AGBL3: variants seen among roughly 807,000 people sequenced by gnomAD.
AGBL3 encodes the protein AGBL carboxypeptidase 3.
AGBL3 carries 68 observed loss-of-function variants against 94.5 expected under a neutral mutation model. The ratio of observed to expected loss-of-function variants is 0.72; its 90% CI spans 0.59 to 0.88. AGBL3 has a LOEUF of 0.88. Ranked by LOEUF, AGBL3 falls within the 40% of genes least tolerant of loss-of-function variation. AGBL3 has a pLI of 0.00. For missense variants in AGBL3, 934 were observed against 1,103.8 expected, an observed-to-expected ratio of 0.85 and a Z score of 2.18; for synonymous variants, 354 against 370.7, an observed-to-expected ratio of 0.95 and a Z score of 0.52.
intron 4 of AGBL3, among the ~76,000 whole-genome samples, chr7:135,001,031 C>A (rs1033519658): frequency 3.9e-5 from 6 of 152,202 alleles, no homozygotes; most frequent in African/African-American, 1.4e-4. Flanking sequence ...GGATAAAGGG[C>A]AAATTTACAT....
chr7:135,076,794 A>G (rs961287631), intron 13 of AGBL3, among the ~76,000 whole-genome samples: 2 of 119,444 alleles, frequency 1.7e-5, no homozygotes, highest in African/African-American at 5.5e-5. Context: ...GTATAAAAAT[A>G]AAAACAGTGG....
At chr7:135,125,468 A>G (rs1007515695) in intron 16 of AGBL3, among the ~76,000 whole-genome samples, 2 of 152,184 alleles carry the variant, frequency 1.3e-5, no homozygotes, top group African/African-American at 4.8e-5. Flanking sequence ...AGAAGTACAA[A>G]GAAGAGCTGG....
intron 15 of AGBL3, among the ~76,000 whole-genome samples, chr7:135,097,557 T>C (rs1823091253): frequency 6.6e-6 from 1 of 152,168 alleles, no homozygotes; most frequent in Non-Finnish European, 1.5e-5. Flanking sequence ...GAACTTCTTA[T>C]CAAAGAAAAT....
intron 15 of AGBL3, among the ~76,000 whole-genome samples, chr7:135,099,312 T>C (rs1431850735): frequency 6.6e-6 from 1 of 152,162 alleles, no homozygotes; most frequent in East Asian, 1.9e-4. Flanking sequence ...TTGTTTGCTG[T>C]TCTCTTGAAA....
At chr7:134,990,250 T>C (rs1239237713) in intron 3 of AGBL3, among the ~76,000 whole-genome samples, 1 of 152,230 alleles carries the variant, frequency 6.6e-6, no homozygotes, top group African/African-American at 2.4e-5. Context: ...GTCTCTGCAG[T>C]AGATCCTCTC....
In AGBL3 at chr7:135,032,797, T is replaced by G. The variant is rs1446636266; in HGVS notation, c.419-47T>G. ...CAAACTCTGTGCAGAATAACCTTCT[T>G]ACTTTAGGTATACCTTGACATCTTT... is the stretch of plus-strand genomic sequence containing the variant. On this transcript the variant is annotated intron_variant, in intron 5 of 16. Coordinates refer to ENST00000436302, the MANE Select transcript of AGBL3 (RefSeq NM_178563.4). 23 of 1,490,362 alleles carry G rather than the reference T, an allele frequency of 1.5e-5. No homozygotes were observed. The East Asian group carries it at 5.8e-4, about 38-fold the overall frequency. 92.3% of individuals were successfully genotyped at this position (1,490,362 alleles called of 1,614,324 possible).
In AGBL3 at chr7:135,135,209, A is replaced by G. The variant is rs1186304383; in HGVS notation, c.2711A>G (p.Asn904Ser). The change falls in exon 17 of 17, where the codon AAT (asparagine) becomes AGT (serine). Residue 904 changes from asparagine to serine, a missense_variant. By Grantham distance (46) the Asn-to-Ser change is conservative. This residue lies in a region of AGBL3 where 441 missense variants were observed against 518.2 expected (regional missense o/e 0.85). Transcript: ENST00000436302. ...HLTKNKDEQA[N>S]KNDGQPTLYL... is the part of the protein sequence containing the mutation. ...ACTAAAAATAAGGATGAGCAGGCCA[A>G]TAAGAATGATGGACAACCCACCTTA... 7 of 1,545,290 alleles carry G rather than the reference A, an allele frequency of 4.5e-6. No homozygotes were observed. Among genetic ancestry groups the G allele is most frequent in the African/African-American group, 1.4e-5 (1 of 72,372 alleles).
At chr7:135,018,594 T>C (rs965135406) in intron 5 of AGBL3, among the ~76,000 whole-genome samples, 4 of 152,146 alleles carry the variant, frequency 2.6e-5, no homozygotes, top group African/African-American at 9.7e-5. Context: ...GAAACAAGGT[T>C]TGAGGATGAA....
chr7:135,048,492 T>C (rs534294249), intron 11 of AGBL3, among the ~76,000 whole-genome samples: 16 of 152,070 alleles, frequency 1.1e-4, no homozygotes, highest in Admixed American at 5.9e-4. Context: ...CAACAGGGGA[T>C]GTCTTTCCAT....
rs566175774 is a variant in AGBL3 at position 135,127,017 on chromosome 7, T to C, written c.2343-7824T>C. Among the ~76,000 whole-genome samples, 44 of 152,102 alleles carry C rather than the reference T, an allele frequency of 2.9e-4. No homozygotes were observed. The South Asian group carries it at 5.6e-3, about 19-fold the overall frequency. ...TGCAACAGAAGCCAAAATTGACAAA[T>C]GGGATCTAATTATACTAAAGAGCTT... On this transcript the variant is annotated intron_variant, in intron 16 of 16. Coordinates refer to ENST00000436302, the MANE Select transcript of AGBL3 (RefSeq NM_178563.4).
intron 4 of AGBL3, among the ~76,000 whole-genome samples, chr7:134,997,048 C>T (rs1811098347): frequency 6.6e-6 from 1 of 152,118 alleles, no homozygotes; most frequent in Admixed American, 6.5e-5. Flanking sequence ...CACCAGGGAC[C>T]AGTTTCGGGG....
At chr7:135,131,158 T>C (rs967212122) in intron 16 of AGBL3, among the ~76,000 whole-genome samples, 1 of 152,176 alleles carries the variant, frequency 6.6e-6, no homozygotes, top group Non-Finnish European at 1.5e-5. Context: ...TCATGTCTTT[T>C]CCAGGGACGT....
At chr7:135,080,354 G>A (rs1820812535) in intron 14 of AGBL3, 94 bp downstream of exon 14, 26 of 912,154 alleles carry the variant, frequency 2.9e-5, no homozygotes, top group Non-Finnish European at 4.3e-5. Flanking sequence ...CACTGTGCTT[G>A]GTGCTAGGGA....
intron 16 of AGBL3, among the ~76,000 whole-genome samples, chr7:135,118,328 G>C (rs1316467469): frequency 6.6e-6 from 1 of 152,104 alleles, no homozygotes; most frequent in Non-Finnish European, 1.5e-5. Context: ...TGAAAGTAAT[G>C]ACTAAAAATC....
At chr7:135,006,668 C>G (rs1194304244) in intron 4 of AGBL3, among the ~76,000 whole-genome samples, 2 of 151,904 alleles carry the variant, frequency 1.3e-5, no homozygotes, top group Non-Finnish European at 2.9e-5. Context: ...CTCAGCACAA[C>G]TTTGGAAGTG....
At chr7:135,030,806 A>T (rs1815657353) in intron 5 of AGBL3, among the ~76,000 whole-genome samples, 1 of 151,810 alleles carries the variant, frequency 6.6e-6, no homozygotes, top group African/African-American at 2.4e-5. Flanking sequence ...TTCCAAGTTC[A>T]CTGATTATTT....
chr7:134,993,387 C>T, intron 3 of AGBL3, 106 bp from the exon 4 acceptor site: 1 of 871,342 alleles, frequency 1.1e-6, no homozygotes, highest in Non-Finnish European at 1.7e-6. Flanking sequence ...ATAATGATAC[C>T]CACACATTGA....
Position 135,022,401 on chromosome 7 carries a change from A to G in AGBL3, c.418+5242A>G, listed in dbSNP as rs185877567. 1.7e-4 allele frequency among the ~76,000 whole-genome samples: 26 copies of G among 152,086 alleles called. 1 individual carries two copies. The East Asian group carries it at 5.0e-3, about 29-fold the overall frequency. On this transcript the variant is annotated intron_variant, in intron 5 of 16. Coordinates refer to ENST00000436302, the MANE Select transcript of AGBL3 (RefSeq NM_178563.4). ...GTATCTCATTGTGGTTTTGATTTGT[A>G]TTTCTCTAATGACCAGTGATGATGA...
chr7:135,060,799 C>T (rs1358228501), intron 12 of AGBL3, among the ~76,000 whole-genome samples: 2 of 152,056 alleles, frequency 1.3e-5, no homozygotes, highest in Non-Finnish European at 2.9e-5. Flanking sequence ...ATTTATCTGT[C>T]GATGAACACT....
Sources: allele counts gnomAD v4.1 joint callset (sites outside exome capture counted in the v4.1 genomes callset), GRCh38; gene constraint gnomAD v4.1.1; regional missense constraint gnomAD v4.1.1; transcripts MANE v1.5; gene names NCBI Gene and HGNC (gene_info 2026-07-23, HGNC 2026-07-21).